The following NUP160 variants were observed in gnomAD, a reference collection of about 807,000 sequenced individuals.
The protein encoded by NUP160 is nucleoporin 160.
In NUP160, 94 loss-of-function variants were observed where a neutral mutation model predicts 196.9. The ratio of observed to expected loss-of-function variants is 0.48; its 90% CI spans 0.40 to 0.57. NUP160 has a LOEUF of 0.57. Ranked by LOEUF, NUP160 falls within the 20% of genes least tolerant of loss-of-function variation. The pLI is 0.00. For missense variants in NUP160, 1,638 were observed against 1,748.3 expected (o/e 0.94, Z 1.13); for synonymous variants, 605 against 619.7 (o/e 0.98, Z 0.35).
chr11:47,802,772 C>T (rs982974847), intron 22 of NUP160, among the ~76,000 whole-genome samples: 1 of 151,582 alleles, frequency 6.6e-6, no homozygotes, highest in Admixed American at 6.6e-5. Context: ...CCCAGGAGTT[C>T]GTGACCAGCC....
chr11:47,779,272 TCAC>T, intron 35 of NUP160, 78 bp from the exon 36 acceptor site: 1 of 894,172 alleles, frequency 1.1e-6, no homozygotes, highest in Non-Finnish European at 1.8e-6. Flanking sequence ...AACTTTGACT[TCAC>T]CAAGTAGATT....
intron 13 of NUP160, 71 bp downstream of exon 13, chr11:47,815,408 C>T: frequency 7.8e-7 from 1 of 1,279,352 alleles, no homozygotes; most frequent in Admixed American, 2.8e-5. Context: ...TTTTTGTTTT[C>T]TGAAGGCATT....
chr11:47,799,625 A>G (rs1201724549), intron 23 of NUP160, among the ~76,000 whole-genome samples: 1 of 152,054 alleles, frequency 6.6e-6, no homozygotes, highest in African/African-American at 2.4e-5. Flanking sequence ...AGCTCAGTGT[A>G]GCCTTGACCT....
intron 2 of NUP160, chr11:47,841,192 A>G (rs1852289560): frequency 5.8e-6 from 1 of 172,690 alleles, no homozygotes; most frequent in African/African-American, 2.4e-5. Context: ...GAGCTTGTTT[A>G]TTTATTTTTT....
intron 17 of NUP160, 54 bp downstream of exon 17, chr11:47,812,010 G>T: frequency 6.4e-7 from 1 of 1,564,222 alleles, no homozygotes; most frequent in Non-Finnish European, 8.8e-7. Flanking sequence ...CTAAGTGCTT[G>T]TAGGCCTATA....
At chr11:47,824,505 G>A (rs918976030) in intron 7 of NUP160, among the ~76,000 whole-genome samples, 32 of 152,058 alleles carry the variant, frequency 2.1e-4, no homozygotes, top group Non-Finnish European at 2.2e-4. Flanking sequence ...AGCTATTCGA[G>A]AGGCTGAGGT....
intron 7 of NUP160, among the ~76,000 whole-genome samples, chr11:47,826,224 A>C (rs1048898598): frequency 6.6e-6 from 1 of 152,212 alleles, no homozygotes; most frequent in African/African-American, 2.4e-5. Flanking sequence ...ATCCTCCTGC[A>C]TCAGCCCCGA....
At chr11:47,788,477 G>A in intron 30 of NUP160, 24 bp downstream of exon 30, 4 of 1,595,408 alleles carry the variant, frequency 2.5e-6, no homozygotes, top group Non-Finnish European at 3.4e-6. Context: ...ACAAGTCAGA[G>A]GCTTTAAACT....
At chr11:47,825,905 G>T (rs1185695106) in intron 7 of NUP160, among the ~76,000 whole-genome samples, 1 of 151,894 alleles carries the variant, frequency 6.6e-6, no homozygotes, top group East Asian at 1.9e-4. Flanking sequence ...TTTTTATAAA[G>T]AAAATTTACT....
chr11:47,822,693 A>G (rs1161039406), intron 7 of NUP160, among the ~76,000 whole-genome samples: 1 of 151,492 alleles, frequency 6.6e-6, no homozygotes, highest in Non-Finnish European at 1.5e-5. Context: ...TACATTACGT[A>G]TATCTCCTAA....
At chr11:47,803,242 C>T (rs1227449718) in intron 22 of NUP160, among the ~76,000 whole-genome samples, 196 bp downstream of exon 22, 1 of 151,506 alleles carries the variant, frequency 6.6e-6, no homozygotes, top group Admixed American at 6.6e-5. Flanking sequence ...GTTCCTGAGT[C>T]CTATCTAAAT....
intron 2 of NUP160, among the ~76,000 whole-genome samples, chr11:47,843,974 C>A (rs1424430632): frequency 6.6e-6 from 1 of 152,196 alleles, no homozygotes; most frequent in Non-Finnish European, 1.5e-5. Context: ...CTGAAGAAAA[C>A]AAAAGTACCT....
chr11:47,831,842 C>CAAAAAAAAAAAA (rs372159602), intron 7 of NUP160, among the ~76,000 whole-genome samples: 25 of 66,682 alleles, frequency 3.7e-4, no homozygotes, highest in African/African-American at 1.8e-3. Context: ...GACTCTCTCT[C>CAAAAAAAAAAAA]AAAAAAAAAA....
At chr11:47,825,335 T>A (rs1478112052) in intron 7 of NUP160, among the ~76,000 whole-genome samples, 2 of 151,894 alleles carry the variant, frequency 1.3e-5, no homozygotes, top group East Asian at 3.9e-4. Flanking sequence ...TAGGTTGAAG[T>A]GCAGTGGTGT....
chr11:47,793,050 G>C (rs1316685654), intron 27 of NUP160, 104 bp from the exon 28 acceptor site: 1 of 926,382 alleles, frequency 1.1e-6, no homozygotes, highest in Non-Finnish European at 1.6e-6. Flanking sequence ...GCAATGGCTT[G>C]ATCTCAGCTC....
intron 29 of NUP160, among the ~76,000 whole-genome samples, chr11:47,791,310 C>T (rs550204261): frequency 6.6e-5 from 10 of 152,148 alleles, no homozygotes; most frequent in African/African-American, 1.4e-4. Context: ...GCACTTCCAG[C>T]GTCACTAGTG....
rs958696622 is a variant in NUP160, at chr11:47,806,316, A to G, written c.2447-4T>C. 1.2e-6 allele frequency: 2 copies of G among 1,604,550 alleles called. No homozygotes were observed. Among genetic ancestry groups the G allele is most frequent in the African/African-American group, 1.3e-5 (1 of 74,668 alleles). On this transcript the variant is annotated splice_region_variant and splice_polypyrimidine_tract_variant and intron_variant, in intron 19 of 35. Transcript: ENST00000378460. The stretch of plus-strand genomic sequence containing the variant: ...ACAATAGTCTGAGGACTAGATACTT[A>G]AAAAGAAAAAGTTATGACAGTTTTG...
intron 20 of NUP160, 91 bp from the exon 21 acceptor site, chr11:47,804,709 G>T: frequency 2.5e-6 from 2 of 810,186 alleles, no homozygotes; most frequent in Non-Finnish European, 3.8e-6. Flanking sequence ...CCATAAAATA[G>T]CTTAATTTAC....
chr11:47,783,792 C>T (rs1292007135), intron 33 of NUP160, among the ~76,000 whole-genome samples: 1 of 151,998 alleles, frequency 6.6e-6, no homozygotes, highest in South Asian at 2.1e-4. Context: ...GTGGTGCAAC[C>T]TCAGATCACT....
Sources: allele counts gnomAD v4.1 joint callset (sites outside exome capture counted in the v4.1 genomes callset), GRCh38; gene constraint gnomAD v4.1.1; transcripts MANE v1.5; gene names NCBI Gene and HGNC (gene_info 2026-07-23, HGNC 2026-07-21).